Variants in SOX5 observed in about 807,000 individuals in gnomAD.
SOX5 encodes the protein transcription factor SOX-5.
SOX5 carries 9 observed loss-of-function variants against 92.0 expected under a neutral mutation model. The observed-to-expected ratio is 0.10, with a 90% CI of 0.06 to 0.17. The LOEUF (loss-of-function observed/expected upper bound fraction) is 0.17. Ranked by LOEUF, SOX5 falls within the 10% of genes least tolerant of loss-of-function variation. The pLI, the probability that SOX5 is intolerant of heterozygous loss-of-function variation, is 1.00. For synonymous variants in SOX5, 344 were observed against 336.3 expected (o/e 1.02, Z -0.25); for missense variants, 642 against 944.5 (o/e 0.68, Z 4.20).
intron 11 of SOX5, among the ~76,000 whole-genome samples, chr12:23,554,271 G>A (rs1054360225): frequency 3.0e-4 from 45 of 152,184 alleles, no homozygotes; most frequent in African/African-American, 1.1e-3. Flanking sequence ...AAGAACGAAG[G>A]AAGGAGCAAA....
At chr12:23,871,470 T>G (rs2096871607) in intron 2 of SOX5, among the ~76,000 whole-genome samples, 1 of 152,100 alleles carries the variant, frequency 6.6e-6, no homozygotes, top group Non-Finnish European at 1.5e-5. Context: ...ACATGAAGTG[T>G]AAAATAGTGG....
chr12:24,505,287 A>G (rs530782898), intron 1 of SOX5, among the ~76,000 whole-genome samples: 1 of 152,340 alleles, frequency 6.6e-6, no homozygotes, highest in East Asian at 1.9e-4. Context: ...CTTGAGTTGT[A>G]TCTGGAACAA....
chr12:24,364,425 A>G (rs1256685780), intron 2 of SOX5, among the ~76,000 whole-genome samples: 1 of 150,678 alleles, frequency 6.6e-6, no homozygotes, highest in East Asian at 2.0e-4. Context: ...GACTACAAGA[A>G]TGACATAATC....
At chr12:24,535,839 T>C (rs1223652899) in intron 1 of SOX5, among the ~76,000 whole-genome samples, 2 of 152,146 alleles carry the variant, frequency 1.3e-5, no homozygotes, top group Non-Finnish European at 2.9e-5. Context: ...AACCATTCTC[T>C]ACCACGGCTG....
At chr12:23,738,050 G>T (rs527949194) in intron 5 of SOX5, among the ~76,000 whole-genome samples, 1 of 152,210 alleles carries the variant, frequency 6.6e-6, no homozygotes, top group East Asian at 1.9e-4. Context: ...AGGGATTTTT[G>T]TCTGTTTTAT....
At chr12:24,017,503 G>T (rs780811377) in intron 4 of SOX5, among the ~76,000 whole-genome samples, 6 of 152,102 alleles carry the variant, frequency 3.9e-5, no homozygotes, top group Non-Finnish European at 7.3e-5. Flanking sequence ...GGGAGGCTGA[G>T]GCAGGAGAAT....
At chr12:24,055,016 T>C (rs1029411298) in intron 4 of SOX5, among the ~76,000 whole-genome samples, 3 of 152,092 alleles carry the variant, frequency 2.0e-5, no homozygotes, top group Non-Finnish European at 2.9e-5. Context: ...ATTCTGAACC[T>C]TGTGAGTCTA....
intron 1 of SOX5, among the ~76,000 whole-genome samples, chr12:24,426,781 T>C (rs1966822112): frequency 6.6e-6 from 1 of 152,200 alleles, no homozygotes; most frequent in African/African-American, 2.4e-5. Context: ...TGCAGTACAC[T>C]ACTAAGTCTC....
At position 24,132,411 on chromosome 12, in the gene SOX5, T is replaced by C. The variant is rs78074075; in HGVS notation, c.-2+80932A>G. ...TCTTACTAACACTTTAGGAAAACAA[T>C]GTGGTATCTATATATATTTTTAATT... On this transcript the variant is annotated intron_variant, in intron 4 of 4. Transcript: ENST00000446891. Among the ~76,000 whole-genome samples the C allele has an allele frequency of 3.0e-3, 452 of 152,282 alleles. 1 individual carries two copies. Among genetic ancestry groups the C allele is most frequent in the Non-Finnish European group, 5.7e-3 (390 of 67,996 alleles).
chr12:24,025,858 C>G (rs1954814337), intron 4 of SOX5, among the ~76,000 whole-genome samples: 1 of 152,036 alleles, frequency 6.6e-6, no homozygotes, highest in South Asian at 2.1e-4. Context: ...CTGGATCTCA[C>G]TCAGGTGAAT....
intron 6 of SOX5, among the ~76,000 whole-genome samples, chr12:23,717,975 T>C (rs2092605208): frequency 6.6e-6 from 1 of 152,196 alleles, no homozygotes; most frequent in Non-Finnish European, 1.5e-5. Context: ...GTTTGCCTTA[T>C]TGCCTAGATG....
At chr12:24,280,777 A>G (rs1250849431) in intron 2 of SOX5, among the ~76,000 whole-genome samples, 4 of 152,142 alleles carry the variant, frequency 2.6e-5, no homozygotes, top group East Asian at 3.9e-4. Context: ...TCTCCAAACC[A>G]AAGAACCCAC....
At chr12:24,428,139 T>C (rs1966880422) in intron 1 of SOX5, among the ~76,000 whole-genome samples, 1 of 151,284 alleles carries the variant, frequency 6.6e-6, no homozygotes, top group Non-Finnish European at 1.5e-5. Flanking sequence ...CTCCATATTC[T>C]ACATCTTAAC....
Position 23,594,942 on chromosome 12 carries a change from C to G in SOX5, c.1164+9445G>C, listed in dbSNP as rs1006030298. ...CAGAGAGGGCTTCCCTTAAAGCTCT[C>G]TCCCAAGAAGATTCCCTTTCTTGTC... On this transcript the variant is annotated intron_variant, in intron 9 of 14. Coordinates refer to ENST00000451604, the MANE Select transcript of SOX5 (RefSeq NM_006940.6). Among the ~76,000 whole-genome samples the G allele has an allele frequency of 3.3e-5, 5 of 152,174 alleles. No homozygotes were observed. The South Asian group carries it at 1.0e-3, about 32-fold the overall frequency.
At chr12:23,705,026 A>T (rs2091212248) in intron 6 of SOX5, among the ~76,000 whole-genome samples, 1 of 151,882 alleles carries the variant, frequency 6.6e-6, no homozygotes, top group Non-Finnish European at 1.5e-5. Flanking sequence ...TATCTATGTT[A>T]ACTAAACTTT....
chr12:24,533,354 G>A (rs947136697), intron 1 of SOX5, among the ~76,000 whole-genome samples: 3 of 152,112 alleles, frequency 2.0e-5, no homozygotes, highest in South Asian at 2.1e-4. Context: ...CATACACAAC[G>A]TATTTCTGAT....
At chr12:23,855,134 A>T (rs1355179533) in intron 2 of SOX5, among the ~76,000 whole-genome samples, 2 of 152,034 alleles carry the variant, frequency 1.3e-5, no homozygotes, top group African/African-American at 2.4e-5. Flanking sequence ...TCTTTCATCC[A>T]CTCTGCCAAA....
At chr12:23,808,123 A>G (rs2095814042) in intron 3 of SOX5, among the ~76,000 whole-genome samples, 1 of 152,072 alleles carries the variant, frequency 6.6e-6, no homozygotes, top group East Asian at 1.9e-4. Flanking sequence ...TGATATATAT[A>G]TATATATATT....
At chr12:24,183,889 C>T (rs574041558) in intron 4 of SOX5, among the ~76,000 whole-genome samples, 1 of 152,126 alleles carries the variant, frequency 6.6e-6, no homozygotes, top group Non-Finnish European at 1.5e-5. Context: ...ATTGATAGTA[C>T]CTACTCGCCT....
Sources: allele counts gnomAD v4.1 joint callset (sites outside exome capture counted in the v4.1 genomes callset), GRCh38; gene constraint gnomAD v4.1.1; transcripts MANE v1.5; gene names NCBI Gene and HGNC (gene_info 2026-07-23, HGNC 2026-07-21).